MAGI1: variants seen among roughly 807,000 people sequenced by gnomAD.
MAGI1 encodes membrane-associated guanylate kinase, WW and PDZ domain-containing protein 1.
A neutral mutation model predicts 139.9 loss-of-function variants in MAGI1; 58 were observed. The ratio of observed to expected loss-of-function variants is 0.41; its 90% CI spans 0.34 to 0.52. The LOEUF (loss-of-function observed/expected upper bound fraction) is 0.52, where lower values mean the gene tolerates loss of function less well. Ranked by LOEUF, MAGI1 falls within the 20% of genes least tolerant of loss-of-function variation. MAGI1 has a pLI of 0.12. For missense variants in MAGI1, 1,874 were observed against 1,901.6 expected (o/e 0.99, Z 0.27); for synonymous variants, 812 against 737.9 (o/e 1.10, Z -1.63).
intron 1 of MAGI1, among the ~76,000 whole-genome samples, chr3:65,749,732 C>T (rs2035990297): frequency 6.8e-6 from 1 of 147,410 alleles, no homozygotes; most frequent in South Asian, 2.1e-4. Context: ...AAAAAAACTG[C>T]TGTGGGCCAA....
intron 2 of MAGI1, among the ~76,000 whole-genome samples, chr3:65,563,125 AG>A (rs2080442897): frequency 6.6e-6 from 1 of 152,242 alleles, no homozygotes; most frequent in Non-Finnish European, 1.5e-5. Context: ...TTTAAGCAAG[AG>A]AACTTTATTA....
intron 1 of MAGI1, among the ~76,000 whole-genome samples, chr3:65,954,804 T>G (rs772063785): frequency 1.5e-4 from 23 of 152,096 alleles, no homozygotes; most frequent in Non-Finnish European, 3.2e-4. Context: ...CCAGGGCTGC[T>G]GGGATATATA....
chr3:65,873,365 TTG>T (rs2060003773), intron 1 of MAGI1: 1 of 152,244 alleles, frequency 6.6e-6, no homozygotes, highest in South Asian at 2.1e-4. Flanking sequence ...GCTGAGCTGC[TTG>T]TGCTTACTCT....
chr3:65,560,395 T>C (rs1259176647), intron 2 of MAGI1, among the ~76,000 whole-genome samples: 2 of 152,236 alleles, frequency 1.3e-5, no homozygotes, highest in East Asian at 3.9e-4. Context: ...ATTGCATTTC[T>C]GTGTACCCCA....
intron 1 of MAGI1, among the ~76,000 whole-genome samples, chr3:65,701,789 C>G (rs1016541163): frequency 1.3e-5 from 2 of 151,850 alleles, no homozygotes; most frequent in African/African-American, 4.8e-5. Context: ...ACATTTCTAA[C>G]AAAAAGATAT....
chr3:65,864,307 G>T (rs897220391), intron 1 of MAGI1, among the ~76,000 whole-genome samples: 2 of 152,216 alleles, frequency 1.3e-5, no homozygotes, highest in Non-Finnish European at 2.9e-5. Context: ...AGCCAAGGTT[G>T]AAAGGATCTA....
At chr3:65,773,690 A>C (rs2038142331) in intron 1 of MAGI1, among the ~76,000 whole-genome samples, 1 of 152,208 alleles carries the variant, frequency 6.6e-6, no homozygotes, top group African/African-American at 2.4e-5. Context: ...ATCATCTGGA[A>C]GTTCACAAGC....
chr3:65,652,451 C>T (rs942382734), intron 1 of MAGI1, among the ~76,000 whole-genome samples: 4 of 152,118 alleles, frequency 2.6e-5, no homozygotes, highest in Non-Finnish European at 4.4e-5. Flanking sequence ...TAGCGGCACC[C>T]CTGGTCTCTG....
intron 1 of MAGI1, among the ~76,000 whole-genome samples, chr3:65,704,644 G>T (rs1439632520): frequency 1.3e-5 from 2 of 152,044 alleles, no homozygotes; most frequent in African/African-American, 4.8e-5. Context: ...ATTTAGGAAT[G>T]CTATGGTAGT....
At chr3:65,519,369 CACACACACACACACACAT>C (rs1188537331) in intron 2 of MAGI1, among the ~76,000 whole-genome samples, 15 of 80,698 alleles carry the variant, frequency 1.9e-4, no homozygotes, top group African/African-American at 6.8e-4. Flanking sequence ...CACACACACA[CACACACACACACACACAT>C]ATATATAATT....
intron 3 of MAGI1, among the ~76,000 whole-genome samples, chr3:65,490,199 GT>G (rs1341440626): frequency 2.0e-5 from 3 of 152,150 alleles, no homozygotes; most frequent in South Asian, 2.1e-4. Context: ...TCCAATTATT[GT>G]CTCATTTAGC....
At chr3:65,824,688 G>A (rs552983049) in intron 1 of MAGI1, among the ~76,000 whole-genome samples, 1 of 152,298 alleles carries the variant, frequency 6.6e-6, no homozygotes, top group African/African-American at 2.4e-5. Flanking sequence ...TAAGTTGTCT[G>A]CCTAAATACC....
intron 2 of MAGI1, among the ~76,000 whole-genome samples, chr3:65,521,607 T>A (rs1390710499): frequency 6.6e-6 from 1 of 152,192 alleles, no homozygotes; most frequent in Admixed American, 6.5e-5. Context: ...AAACTCACTA[T>A]TTTAATGTAA....
intron 1 of MAGI1, among the ~76,000 whole-genome samples, chr3:65,800,946 T>C (rs1449684161): frequency 2.0e-5 from 3 of 152,194 alleles, no homozygotes; most frequent in African/African-American, 7.2e-5. Context: ...CAATGTAATA[T>C]TTCCCCTGGG....
At chr3:65,366,634 TTAAGCAAAGTTACTTA>T (rs1941443215) in intron 18 of MAGI1, among the ~76,000 whole-genome samples, 1 of 152,182 alleles carries the variant, frequency 6.6e-6, no homozygotes, top group African/African-American at 2.4e-5. Context: ...TGGATGGGAC[TTAAGCAAAGTTACTTA>T]AATTCTCAGT....
At chr3:65,848,089 C>T (rs2059070889) in intron 1 of MAGI1, among the ~76,000 whole-genome samples, 1 of 152,030 alleles carries the variant, frequency 6.6e-6, no homozygotes, top group Admixed American at 6.6e-5. Context: ...TAAGAGTTAC[C>T]CAAAGGACAG....
At chr3:65,854,536 TTAAAA>T (rs1234539368) in intron 1 of MAGI1, among the ~76,000 whole-genome samples, 1 of 152,224 alleles carries the variant, frequency 6.6e-6, no homozygotes, top group African/African-American at 2.4e-5. Context: ...TTCCATGTGA[TTAAAA>T]TAAACAGCCA....
intron 2 of MAGI1, among the ~76,000 whole-genome samples, chr3:65,564,996 C>T (rs2080543855): frequency 6.6e-6 from 1 of 152,180 alleles, no homozygotes; most frequent in Non-Finnish European, 1.5e-5. Flanking sequence ...TCAGTCAAGG[C>T]CAGCTGAACT....
At position 65,533,235 on chromosome 3, in the gene MAGI1, T is replaced by C. The variant is rs76336922; in HGVS notation, c.431-39604A>G. Among the ~76,000 whole-genome samples the C allele has an allele frequency of 8.6e-3, 1,306 of 152,290 alleles. 18 individuals are homozygous for C. Among genetic ancestry groups the C allele is most frequent in the African/African-American group, 0.03 (1,239 of 41,546 alleles). ...TTAGTAGATTTAACTCAGTCCAACA[T>C]TTACGGAGCACTTATTGGGTGGAGA... On this transcript the variant is annotated intron_variant, in intron 2 of 22. Coordinates refer to ENST00000402939, the MANE Select transcript of MAGI1 (RefSeq NM_001033057.2).
Sources: gnomAD v4.1 joint callset for allele counts (sites outside exome capture counted in the v4.1 genomes callset) on GRCh38, gnomAD v4.1.1 for gene constraint, MANE v1.5 for transcripts, NCBI Gene and HGNC (gene_info 2026-07-23, HGNC 2026-07-21) for gene names.